The following PHKA1 variants were observed in gnomAD, a reference collection of about 807,000 sequenced individuals.
The protein encoded by PHKA1 is phosphorylase b kinase regulatory subunit alpha, skeletal muscle isoform.
A neutral mutation model predicts 110.2 loss-of-function variants in PHKA1; 60 were observed. That is an observed-to-expected ratio of 0.54 (90% CI 0.44 to 0.68). PHKA1 has a LOEUF of 0.68. Ranked by LOEUF, PHKA1 falls within the 30% of genes least tolerant of loss-of-function variation. The probability of loss-of-function intolerance (pLI) is 0.00; values close to 1 mark genes in which losing one functional copy is unlikely to be tolerated. For synonymous variants in PHKA1, 316 were observed against 333.6 expected, an observed-to-expected ratio of 0.95 and a Z score of 0.58; for missense variants, 801 against 942.5, an observed-to-expected ratio of 0.85 and a Z score of 1.97.
rs531234941 is a variant in PHKA1 at position 72,698,923 on chromosome X, C to T, written c.286-3047G>A. 5.4e-5 allele frequency among the ~76,000 whole-genome samples: 6 copies of T among 111,567 alleles called. No homozygotes were observed. The South Asian group carries it at 1.5e-3, about 28-fold the overall frequency. ...ATGGCAGTTTCATAACTTTAAATCACGACTATCACAGTTTTCATAAATAAT... is the reference window on the plus strand; with the variant it reads ...ATGGCAGTTTCATAACTTTAAATCATGACTATCACAGTTTTCATAAATAAT... On this transcript the variant is annotated intron_variant, in intron 3 of 31. Transcript: ENST00000373542.
chrX:72,615,642 T>C (rs1315453221), intron 21 of PHKA1, among the ~76,000 whole-genome samples: 1 of 99,150 alleles, frequency 1.0e-5, no homozygotes, highest in Non-Finnish European at 2.0e-5. Flanking sequence ...AAACATATTA[T>C]GAAGGAAAAT....
intron 8 of PHKA1, among the ~76,000 whole-genome samples, chrX:72,661,688 C>CA (rs782009721): frequency 0.016 from 465 of 28,303 alleles, 3 homozygotes; most frequent in Middle Eastern, 0.08. Flanking sequence ...TAAAAAAAAA[C>CA]AAAAAAAAAA....
chrX:72,611,711 A>C (rs909563745), intron 21 of PHKA1, among the ~76,000 whole-genome samples: 2 of 112,311 alleles, frequency 1.8e-5, no homozygotes, highest in Admixed American at 1.9e-4. Context: ...CACTCCTAGA[A>C]AAACTTTAAC....
chrX:72,672,432 ACT>A (rs1343308530), intron 6 of PHKA1, among the ~76,000 whole-genome samples: 2 of 111,126 alleles, frequency 1.8e-5, no homozygotes, highest in Non-Finnish European at 3.8e-5. Flanking sequence ...GCGGGTAGAA[ACT>A]CTGCAGAGTC....
intron 6 of PHKA1, among the ~76,000 whole-genome samples, chrX:72,672,001 CAATACCATTCAG>C (rs1325567567): frequency 8.9e-6 from 1 of 112,236 alleles, no homozygotes; most frequent in African/African-American, 3.2e-5. Context: ...AAAACCTAGG[CAATACCATTCAG>C]AACAGAAGCT....
At chrX:72,589,193 A>G (rs939639052) in intron 29 of PHKA1, among the ~76,000 whole-genome samples, 2 of 111,733 alleles carry the variant, frequency 1.8e-5, no homozygotes, top group African/African-American at 6.5e-5. Flanking sequence ...ATACTGGCAA[A>G]CCGAATCCAG....
chrX:72,663,455 T>C (rs1556305163), intron 8 of PHKA1, among the ~76,000 whole-genome samples: 2 of 111,043 alleles, frequency 1.8e-5, no homozygotes. Flanking sequence ...AGAAAACCTA[T>C]CTGATGAAAT....
chrX:72,672,948 G>T (rs1034251204), intron 6 of PHKA1, among the ~76,000 whole-genome samples: 15 of 111,748 alleles, frequency 1.3e-4, no homozygotes, highest in African/African-American at 4.9e-4. Flanking sequence ...TAAAATAACT[G>T]GCCTATGCTC....
At chrX:72,647,025 C>T (rs1005587462) in intron 13 of PHKA1, among the ~76,000 whole-genome samples, 8 of 109,080 alleles carry the variant, frequency 7.3e-5, no homozygotes, top group African/African-American at 2.3e-4. Context: ...CCAGCTACTC[C>T]GGAGGCTGAG....
chrX:72,610,264 AT>A (rs1478341756), intron 22 of PHKA1, among the ~76,000 whole-genome samples: 1 of 110,289 alleles, frequency 9.1e-6, no homozygotes, highest in Non-Finnish European at 1.9e-5. Flanking sequence ...AACTTTCTCT[AT>A]CCCCCACTCC....
At chrX:72,600,773 G>A (rs962948005) in intron 28 of PHKA1, among the ~76,000 whole-genome samples, 1 of 111,075 alleles carries the variant, frequency 9.0e-6, no homozygotes, top group Non-Finnish European at 1.9e-5. Flanking sequence ...GGAGGATTGC[G>A]TGAATCCAGG....
intron 2 of PHKA1, among the ~76,000 whole-genome samples, chrX:72,706,371 G>A (rs2054283622): frequency 9.0e-6 from 1 of 111,400 alleles, no homozygotes; most frequent in Non-Finnish European, 1.9e-5. Flanking sequence ...TATAAAGCAA[G>A]GAAACTTACT....
intron 6 of PHKA1, among the ~76,000 whole-genome samples, chrX:72,673,888 T>C (rs1229984835): frequency 9.2e-6 from 1 of 108,886 alleles, no homozygotes; most frequent in Non-Finnish European, 1.9e-5. Flanking sequence ...ATGTGCCATA[T>C]TGGTGTGCTG....
intron 11 of PHKA1, 59 bp downstream of exon 11, chrX:72,653,376 T>C: frequency 1.4e-6 from 1 of 738,728 alleles, no homozygotes; most frequent in South Asian, 2.2e-5. Flanking sequence ...TGAGGTAGTC[T>C]GATCAAGGTA....
At chrX:72,708,293 G>A (rs2054319956) in intron 2 of PHKA1, among the ~76,000 whole-genome samples, 1 of 111,501 alleles carries the variant, frequency 9.0e-6, no homozygotes, top group Admixed American at 9.6e-5. Context: ...TGGTAATTAT[G>A]GGGAAGTGTG....
At chrX:72,665,139 A>G (rs1396135170) in intron 8 of PHKA1, among the ~76,000 whole-genome samples, 1 of 111,863 alleles carries the variant, frequency 8.9e-6, no homozygotes, top group Non-Finnish European at 1.9e-5. Context: ...TAAATAAACA[A>G]AATTGGCAAA....
At chrX:72,610,616 C>T (rs1301495266) in intron 22 of PHKA1, among the ~76,000 whole-genome samples, 1 of 111,397 alleles carries the variant, frequency 9.0e-6, no homozygotes, top group African/African-American at 3.3e-5. Context: ...ATACTGATTT[C>T]CTTTCTTTTT....
intron 4 of PHKA1, among the ~76,000 whole-genome samples, chrX:72,685,882 T>C (rs1556318675): frequency 1.8e-5 from 2 of 111,895 alleles, no homozygotes; most frequent in Admixed American, 9.5e-5. Flanking sequence ...ACATTTTTTG[T>C]TCGCATTTGT....
chrX:72,583,786 A>T lies in PHKA1; in HGVS notation c.3297+463T>A, dbSNP rs375524035. ...TAGAATCATTCTATAGATTAAAAAA[A>T]ATACAGATGCTCACGTCCCATCCCT... On this transcript the variant is annotated intron_variant, in intron 30 of 31. Transcript: ENST00000373542. Among the ~76,000 whole-genome samples the T allele has an allele frequency of 1.1e-3, 126 of 112,563 alleles. 2 individuals are homozygous for T. The South Asian group carries it at 0.046, about 41-fold the overall frequency.
Sources: allele counts gnomAD v4.1 joint callset (sites outside exome capture counted in the v4.1 genomes callset), GRCh38; gene constraint gnomAD v4.1.1; transcripts MANE v1.5; gene names NCBI Gene and HGNC (gene_info 2026-07-23, HGNC 2026-07-21).